Variants in TRHDE observed in about 807,000 individuals in gnomAD.
TRHDE encodes the protein thyrotropin-releasing hormone-degrading ectoenzyme.
TRHDE carries 72 observed loss-of-function variants against 125.7 expected under a neutral mutation model. That is an observed-to-expected ratio of 0.57 (90% CI 0.47 to 0.70). TRHDE has a LOEUF of 0.70. Ranked by LOEUF, TRHDE falls within the 30% of genes least tolerant of loss-of-function variation. TRHDE has a pLI of 0.00. For missense variants in TRHDE, 1,110 were observed against 1,327.1 expected, an observed-to-expected ratio of 0.84 and a Z score of 2.54; for synonymous variants, 509 against 509.1, an observed-to-expected ratio of 1.00 and a Z score of 0.00.
chr12:72,583,498 T>C (rs989797001), intron 12 of TRHDE, among the ~76,000 whole-genome samples: 5 of 152,208 alleles, frequency 3.3e-5, no homozygotes, highest in African/African-American at 1.2e-4. Context: ...GAAGCATTCC[T>C]GTTTTATACC....
At chr12:72,632,806 T>C (rs1419982534) in intron 15 of TRHDE, among the ~76,000 whole-genome samples, 1 of 151,810 alleles carries the variant, frequency 6.6e-6, no homozygotes, top group Non-Finnish European at 1.5e-5. Context: ...TTGTAGGTCT[T>C]TATCATTCTT....
chr12:72,324,858 A>T (rs189402319), intron 2 of TRHDE, among the ~76,000 whole-genome samples: 1 of 152,222 alleles, frequency 6.6e-6, no homozygotes, highest in African/African-American at 2.4e-5. Context: ...TCCTTAATGG[A>T]TAACTATACT....
At chr12:72,520,733 A>T (rs1233100737) in intron 6 of TRHDE, among the ~76,000 whole-genome samples, 2 of 152,208 alleles carry the variant, frequency 1.3e-5, no homozygotes, top group East Asian at 3.9e-4. Context: ...TGCCTGAAAC[A>T]GTGACATCTT....
chr12:72,273,449 C>T lies in TRHDE; in HGVS notation c.806C>T (p.Thr269Ile), dbSNP rs1167821447. ...TQVLVVVLNR[T>I]LDAQRNYNLK... ...GTCTTAGTGGTGGTGCTGAATAGGACACTGGACGCGCAGAGGAATTACAAT... is the reference window on the plus strand; with the variant it reads ...GTCTTAGTGGTGGTGCTGAATAGGATACTGGACGCGCAGAGGAATTACAAT... The change falls in exon 1 of 19, where the codon ACA becomes ATA. Residue 269 changes from threonine (T) to isoleucine (I), a missense_variant. By Grantham distance (89) the Thr-to-Ile change is moderately conservative. Coordinates refer to ENST00000261180, the MANE Select transcript of TRHDE (RefSeq NM_013381.3). The surrounding 1 kb of genome is among the most constrained non-coding windows in gnomAD (Gnocchi z 5.3). 6.2e-7 allele frequency: 1 copy of T among 1,614,104 alleles called. No homozygotes were observed. The highest frequency in any genetic ancestry group is 1.3e-5 in the African/African-American group (1 of 75,034).
chr12:72,275,337 A>G (rs1402316043), intron 1 of TRHDE, among the ~76,000 whole-genome samples: 3 of 152,220 alleles, frequency 2.0e-5, no homozygotes, highest in Non-Finnish European at 2.9e-5. Context: ...AAAATGCCCA[A>G]TGCTTTAGTA....
chr12:72,122,207 C>T (rs1875598372), intron 2 of TRHDE, among the ~76,000 whole-genome samples: 1 of 151,990 alleles, frequency 6.6e-6, no homozygotes, highest in Admixed American at 6.6e-5. Context: ...AGACTTCAGG[C>T]CGAGCTCTGG....
intron 2 of TRHDE, among the ~76,000 whole-genome samples, chr12:72,211,773 A>C (rs1308245033): frequency 3.3e-5 from 5 of 152,186 alleles, no homozygotes; most frequent in Non-Finnish European, 5.9e-5. Context: ...TTAACAAAAA[A>C]GACTAATACA....
Position 72,663,260 on chromosome 12 carries a change from A to G in TRHDE, c.*65A>G, listed in dbSNP as rs1310883541. 1.5e-6 allele frequency: 2 copies of G among 1,351,566 alleles called. No homozygotes were observed. The highest frequency in any genetic ancestry group is 2.4e-5 in the Admixed American group (1 of 41,342). The allele number at this position is 1,351,566 out of a possible 1,614,324, so 83.7% of individuals were successfully genotyped here. A position where few individuals can be genotyped will look rare whatever the true frequency, so the allele number is the denominator to read the frequency against. ...TATGAGAAGACACGCTTTTTGTGGA[A>G]TGAGGAAAATGTACTACCTAGAAAA... On this transcript the variant is annotated 3_prime_UTR_variant, in exon 19 of 19. Coordinates refer to ENST00000261180, the MANE Select transcript of TRHDE (RefSeq NM_013381.3).
intron 15 of TRHDE, among the ~76,000 whole-genome samples, chr12:72,642,881 T>C (rs1874122348): frequency 6.6e-6 from 1 of 152,190 alleles, no homozygotes; most frequent in Non-Finnish European, 1.5e-5. Context: ...GGCATTTTCA[T>C]TTGTTTCTAA....
chr12:72,270,946 A>T (rs7134263), upstream of TRHDE, among the ~76,000 whole-genome samples: 3,140 of 152,350 alleles, frequency 0.021, 116 homozygotes, highest in African/African-American at 0.071. Flanking sequence ...TAACAAAGTT[A>T]AAACAATGTT....
chr12:72,450,072 A>C (rs2135868630), intron 3 of TRHDE, among the ~76,000 whole-genome samples: 1 of 152,096 alleles, frequency 6.6e-6, no homozygotes, highest in African/African-American at 2.4e-5. Context: ...CCACCTCTGA[A>C]ATCCCTCTGG....
At chr12:72,117,587 A>G (rs1162812424) in intron 2 of TRHDE, among the ~76,000 whole-genome samples, 1 of 152,086 alleles carries the variant, frequency 6.6e-6, no homozygotes, top group Non-Finnish European at 1.5e-5. Flanking sequence ...TATAAATTTT[A>G]GGATTGTTTT....
chr12:72,522,209 C>A (rs571027347), intron 6 of TRHDE, among the ~76,000 whole-genome samples: 1 of 152,200 alleles, frequency 6.6e-6, no homozygotes, highest in Non-Finnish European at 1.5e-5. Flanking sequence ...TAGTCACCTA[C>A]ACCAGACTGC....
chr12:72,393,427 A>T (rs549372803), intron 3 of TRHDE, among the ~76,000 whole-genome samples: 1 of 152,284 alleles, frequency 6.6e-6, no homozygotes, highest in South Asian at 2.1e-4. Context: ...TCCTCTGTGT[A>T]GTAGAGCTAT....
At chr12:72,614,314 A>ATATATATATATG (rs1872732753) in intron 12 of TRHDE, among the ~76,000 whole-genome samples, 2 of 129,530 alleles carry the variant, frequency 1.5e-5, no homozygotes, top group African/African-American at 6.1e-5. Flanking sequence ...ATACATATGT[A>ATATATATATATG]TATATATATA....
chr12:72,384,236 A>C (rs1190198331), intron 3 of TRHDE, among the ~76,000 whole-genome samples: 1 of 152,170 alleles, frequency 6.6e-6, no homozygotes, highest in Non-Finnish European at 1.5e-5. Flanking sequence ...TGTTTCAAAA[A>C]GGAGTTTGAT....
intron 2 of TRHDE, among the ~76,000 whole-genome samples, chr12:72,192,532 CAG>C (rs1207571017): frequency 2.0e-5 from 3 of 152,028 alleles, no homozygotes; most frequent in Non-Finnish European, 4.4e-5. Flanking sequence ...AAAGCACTGA[CAG>C]AGTTTGAACT....
At chr12:72,101,643 C>A (rs1448356307) in intron 1 of TRHDE, among the ~76,000 whole-genome samples, 1 of 152,200 alleles carries the variant, frequency 6.6e-6, no homozygotes, top group East Asian at 1.9e-4. Context: ...TTGGCAGATC[C>A]TTCATTCCAT....
At chr12:72,587,861 T>C (rs1871508138) in intron 12 of TRHDE, among the ~76,000 whole-genome samples, 1 of 152,212 alleles carries the variant, frequency 6.6e-6, no homozygotes, top group African/African-American at 2.4e-5. Context: ...AATTTGTTGG[T>C]CTGTTTTTTA....
Sources: gnomAD v4.1 joint callset for allele counts (sites outside exome capture counted in the v4.1 genomes callset) on GRCh38, gnomAD v4.1.1 for gene constraint, Gnocchi (gnomAD v3.1) non-coding constraint, MANE v1.5 for transcripts, NCBI Gene and HGNC (gene_info 2026-07-23, HGNC 2026-07-21) for gene names.